Variants in ANAPC10 observed in about 807,000 individuals in gnomAD.
ANAPC10 encodes the protein anaphase promoting complex subunit 10.
A neutral mutation model predicts 22.0 loss-of-function variants in ANAPC10; 12 were observed. That is an observed-to-expected ratio of 0.55 (90% confidence interval 0.35 to 0.88). The LOEUF is 0.88. Ranked by LOEUF, ANAPC10 falls within the 40% of genes least tolerant of loss-of-function variation. The pLI is 0.01. For missense variants in ANAPC10, 188 were observed against 220.9 expected (o/e 0.85, Z 0.94); for synonymous variants, 65 against 69.5 (o/e 0.94, Z 0.32).
intron 4 of ANAPC10, among the ~76,000 whole-genome samples, chr4:145,017,696 A>G (rs1735389427): frequency 6.6e-6 from 1 of 152,110 alleles, no homozygotes; most frequent in East Asian, 1.9e-4. Context: ...CACTACTCAC[A>G]ATAGCAAAGA....
chr4:145,060,018 A>C (rs975387658), intron 4 of ANAPC10, among the ~76,000 whole-genome samples: 8 of 152,112 alleles, frequency 5.3e-5, no homozygotes, highest in Non-Finnish European at 1.0e-4. Flanking sequence ...AAGTAACCCA[A>C]CTGAGATGAA....
intron 3 of ANAPC10, among the ~76,000 whole-genome samples, chr4:145,073,801 A>G (rs1744820961): frequency 6.6e-6 from 1 of 152,130 alleles, no homozygotes; most frequent in African/African-American, 2.4e-5. Flanking sequence ...TTTGCGACAC[A>G]GAAATCATTT....
chr4:145,097,137 G>C, intron 1 of ANAPC10: 1 of 218,750 alleles, frequency 4.6e-6, no homozygotes, highest in South Asian at 5.3e-5. Flanking sequence ...GGGAGGCGGA[G>C]GTTGCAGTGA....
chr4:145,024,722 T>C (rs1451591717), intron 4 of ANAPC10, among the ~76,000 whole-genome samples: 1 of 152,168 alleles, frequency 6.6e-6, no homozygotes, highest in African/African-American at 2.4e-5. Context: ...TTAGCATAAT[T>C]CTTAAGGGCC....
intron 4 of ANAPC10, among the ~76,000 whole-genome samples, chr4:145,015,937 C>G (rs1202094344): frequency 6.6e-6 from 1 of 152,124 alleles, no homozygotes; most frequent in Admixed American, 6.6e-5. Flanking sequence ...CTGAAAGGAG[C>G]TCGAAACCTT....
chr4:144,996,516 G>A (rs1731635622), intron 4 of ANAPC10, among the ~76,000 whole-genome samples: 1 of 152,150 alleles, frequency 6.6e-6, no homozygotes, highest in South Asian at 2.1e-4. Context: ...AGACAGAAAT[G>A]AGAAGACCAC....
intron 4 of ANAPC10, chr4:145,053,708 C>A: frequency 1.6e-6 from 1 of 607,212 alleles, no homozygotes. Flanking sequence ...GCAGTTTCTG[C>A]TTCAATATTC....
At chr4:145,024,607 T>C (rs908756029) in intron 4 of ANAPC10, among the ~76,000 whole-genome samples, 3 of 152,206 alleles carry the variant, frequency 2.0e-5, no homozygotes, top group African/African-American at 7.2e-5. Context: ...CTCTGAGCAG[T>C]AGGTCTCAAC....
chr4:145,036,211 A>T (rs1001636786), intron 4 of ANAPC10, among the ~76,000 whole-genome samples: 1 of 152,202 alleles, frequency 6.6e-6, no homozygotes, highest in Non-Finnish European at 1.5e-5. Flanking sequence ...AACCTACACT[A>T]GTAAGATGAA....
chr4:145,002,343 C>G (rs1732699487), intron 4 of ANAPC10, among the ~76,000 whole-genome samples: 1 of 152,152 alleles, frequency 6.6e-6, no homozygotes. Flanking sequence ...ACTCAAAAGG[C>G]TCACTATGGA....
rs1042199121 is a variant in ANAPC10 at position 145,053,929 on chromosome 4, A to G, written c.327+10643T>C. 9.6e-6 allele frequency: 4 copies of G among 416,458 alleles called. No individual in the cohort carries two copies. In the Admixed American group the frequency reaches 1.7e-4, roughly 18 times the overall value. 25.8% of individuals were successfully genotyped at this position (416,458 alleles called of 1,614,324 possible). On this transcript the variant is annotated intron_variant, in intron 4 of 4. Coordinates refer to ENST00000507656, the MANE Select transcript of ANAPC10 (RefSeq NM_001256706.2). ...CTGTGTGTGTGTGTGTTTTTTTTTT[A>G]GATGAAGTCTCTCTCTGTCACCAGG...
In ANAPC10 at chr4:145,044,382, A is replaced by G. The variant is rs17019857; in HGVS notation, c.327+20190T>C. 1.0e-2 allele frequency among the ~76,000 whole-genome samples: 1,521 copies of G among 152,220 alleles called. 23 individuals carry two copies. The highest frequency in any genetic ancestry group is 0.035 in the African/African-American group (1,459 of 41,560). On this transcript the variant is annotated intron_variant, in intron 4 of 4. Coordinates refer to ENST00000507656, the MANE Select transcript of ANAPC10 (RefSeq NM_001256706.2). ...TTTTTAGAGATTCAAGAAGGTTAAA[A>G]TCATTTCAAAAAATGTGTGTTTCTC...
At chr4:145,072,579 A>G (rs1166176259) in intron 3 of ANAPC10, among the ~76,000 whole-genome samples, 1 of 152,222 alleles carries the variant, frequency 6.6e-6, no homozygotes, top group East Asian at 1.9e-4. Flanking sequence ...CAAATGGAAG[A>G]AAGCTGAACC....
At chr4:145,026,806 TATAAC>T (rs1475275525) in intron 4 of ANAPC10, among the ~76,000 whole-genome samples, 4 of 149,984 alleles carry the variant, frequency 2.7e-5, no homozygotes, top group Non-Finnish European at 4.4e-5. Flanking sequence ...TCCTCAGTGA[TATAAC>T]ATATTGCATC....
chr4:145,048,115 G>A (rs1295931966), intron 4 of ANAPC10, among the ~76,000 whole-genome samples: 1 of 152,088 alleles, frequency 6.6e-6, no homozygotes, highest in Non-Finnish European at 1.5e-5. Flanking sequence ...ATCTGCCTTG[G>A]ATTCTTTTCC....
chr4:145,036,994 ACGTGTGTGTGTG>A (rs1283996265), intron 4 of ANAPC10, among the ~76,000 whole-genome samples: 11 of 104,666 alleles, frequency 1.1e-4, no homozygotes, highest in Non-Finnish European at 2.0e-4. Context: ...CAAATAGATA[ACGTGTGTGTGTG>A]TGTGTGTGTG....
At chr4:145,040,981 C>A (rs757103432) in intron 4 of ANAPC10, among the ~76,000 whole-genome samples, 1 of 152,046 alleles carries the variant, frequency 6.6e-6, no homozygotes, top group African/African-American at 2.4e-5. Flanking sequence ...TACTACAGAT[C>A]TACGCAGAGG....
intron 4 of ANAPC10, among the ~76,000 whole-genome samples, chr4:145,011,987 AACTGCAAAGCAGCTTCC>A (rs1204765436): frequency 2.8e-4 from 43 of 152,190 alleles, no homozygotes; most frequent in African/African-American, 8.0e-4. Context: ...ACCTTGCAAG[AACTGCAAAGCAGCTTCC>A]ACTGCAAAGC....
chr4:145,056,531 G>A (rs1260678151), intron 4 of ANAPC10, among the ~76,000 whole-genome samples: 2 of 151,968 alleles, frequency 1.3e-5, no homozygotes, highest in African/African-American at 4.8e-5. Flanking sequence ...TCCCTCTTGC[G>A]CAAGATATAA....
Sources: allele counts gnomAD v4.1 joint callset (sites outside exome capture counted in the v4.1 genomes callset), GRCh38; gene constraint gnomAD v4.1.1; transcripts MANE v1.5; gene names NCBI Gene and HGNC (gene_info 2026-07-23, HGNC 2026-07-21).